The following WSCD1 variants were observed in gnomAD, a reference collection of about 807,000 sequenced individuals.
WSCD1 encodes the protein sialate:O-sulfotransferase 1.
In WSCD1, 41 loss-of-function variants were observed where a neutral mutation model predicts 60.4. That is an observed-to-expected ratio of 0.68 (90% CI 0.53 to 0.88). The LOEUF is 0.88. Among genes scored for constraint, WSCD1 ranks in the 40% least tolerant of loss-of-function variants. The probability of loss-of-function intolerance (pLI) is 0.00; values close to 1 mark genes in which losing one functional copy is unlikely to be tolerated. For synonymous variants in WSCD1, 361 were observed against 332.5 expected (o/e 1.09, Z -0.93); for missense variants, 784 against 796.2 (o/e 0.98, Z 0.18).
At chr17:6,105,753 G>A (rs578171346) in intron 5 of WSCD1, among the ~76,000 whole-genome samples, 71 of 152,336 alleles carry the variant, frequency 4.7e-4, no homozygotes, top group African/African-American at 1.7e-3. Flanking sequence ...CGTCAGTGGG[G>A]CTGTTACTGC....
At chr17:6,076,495 G>A (rs116862752) in intron 1 of WSCD1, among the ~76,000 whole-genome samples, 19 of 152,256 alleles carry the variant, frequency 1.2e-4, no homozygotes, top group African/African-American at 2.9e-4. Flanking sequence ...CTACAGGCCC[G>A]TCCTCCGGCT....
Position 6,081,220 on chromosome 17 carries a change from A to G in WSCD1, c.427+135A>G, listed in dbSNP as rs1046748399. Reference sequence around the variant, plus strand: ...GTTCTTTCCTTCTGCTCTGCAGGACAGGAAGGGGCCTGCGATGCGAAGTCC... The same window carrying G: ...GTTCTTTCCTTCTGCTCTGCAGGACGGGAAGGGGCCTGCGATGCGAAGTCC... On this transcript the variant is annotated intron_variant, in intron 2 of 8. Transcript: ENST00000317744. The G allele has an allele frequency of 1.1e-4, 121 of 1,122,574 alleles. No homozygotes were observed. In the East Asian group the frequency reaches 3.0e-3, roughly 28 times the overall value. The allele number at this position is 1,122,574 out of a possible 1,614,324, so 69.5% of individuals were successfully genotyped here. A position where few individuals can be genotyped will look rare whatever the true frequency, so the allele number is the denominator to read the frequency against.
At chr17:6,097,956 T>TC (rs948610473) in intron 5 of WSCD1, among the ~76,000 whole-genome samples, 5 of 151,190 alleles carry the variant, frequency 3.3e-5, no homozygotes, top group African/African-American at 7.3e-5. Flanking sequence ...TTCTTTCTTT[T>TC]TTTTTTTTTT....
intron 4 of WSCD1, among the ~76,000 whole-genome samples, chr17:6,093,317 C>T (rs374029948): frequency 6.6e-6 from 1 of 152,214 alleles, no homozygotes; most frequent in South Asian, 2.1e-4. Flanking sequence ...TTCATTCGTT[C>T]GCTCACCACG....
intron 7 of WSCD1, among the ~76,000 whole-genome samples, chr17:6,111,700 CAAAAAAA>C (rs111930086): frequency 1.2e-4 from 5 of 41,266 alleles, no homozygotes; most frequent in Non-Finnish European, 1.7e-4. Context: ...CACTCCGTCT[CAAAAAAA>C]AAAAAAAAAA....
chr17:6,123,880 G>A lies in WSCD1; in HGVS notation c.*3219G>A, dbSNP rs899799015. The A allele has an allele frequency of 2.0e-5, 3 of 152,316 alleles. No individual in the cohort carries two copies. Among genetic ancestry groups the A allele is most frequent in the South Asian group, 4.1e-4 (2 of 4,824 alleles). The allele number at this position is 152,316 out of a possible 1,614,324, so 9.4% of individuals were successfully genotyped here. A position where few individuals can be genotyped will look rare whatever the true frequency, so the allele number is the denominator to read the frequency against. ...GTCCCAGCTCTTATCTGCCATCTTG[G>A]ACAAAGCTTTTCCCATCTCCAGTCT... is the stretch of plus-strand genomic sequence containing the variant. On this transcript the variant is annotated 3_prime_UTR_variant, in exon 9 of 9. Coordinates refer to ENST00000317744, the MANE Select transcript of WSCD1 (RefSeq NM_015253.2).
At chr17:6,086,214 T>C (rs906995959) in intron 2 of WSCD1, among the ~76,000 whole-genome samples, 38 of 143,388 alleles carry the variant, frequency 2.7e-4, no homozygotes, top group African/African-American at 8.7e-4. Context: ...CCCTGGATAT[T>C]GCACCTTGGT....
chr17:6,074,621 T>G (rs979928381), intron 1 of WSCD1, among the ~76,000 whole-genome samples: 1 of 152,184 alleles, frequency 6.6e-6, no homozygotes, highest in African/African-American at 2.4e-5. Flanking sequence ...GTGGTTCTGC[T>G]CCAGAGATCA....
intron 7 of WSCD1, among the ~76,000 whole-genome samples, chr17:6,115,356 T>G (rs1361118350): frequency 1.3e-5 from 2 of 152,216 alleles, no homozygotes; most frequent in Admixed American, 6.5e-5. Context: ...CAAGAACTAG[T>G]TCATCAAAAT....
intron 2 of WSCD1, 141 bp downstream of exon 2, chr17:6,081,226 G>A (rs1567550270): frequency 9.1e-7 from 1 of 1,096,674 alleles, no homozygotes; most frequent in East Asian, 2.7e-5. Context: ...GGACAGGAAG[G>A]GGCCTGCGAT....
In WSCD1 at chr17:6,075,248, G is replaced by A. The variant is rs1908773333; in HGVS notation, c.-289+4596G>A. Among the ~76,000 whole-genome samples the A allele has an allele frequency of 1.3e-5, 2 of 152,194 alleles. No homozygotes were observed. Among genetic ancestry groups the A allele is most frequent in the African/African-American group, 2.4e-5 (1 of 41,446 alleles). On this transcript the variant is annotated intron_variant, in intron 1 of 8. Transcript: ENST00000317744. The surrounding 1 kb of genome is among the most constrained non-coding windows in gnomAD (Gnocchi z 4.1). ...TGAGATCCTTCTGGGGATGTCTGGT[G>A]TCATTTTCCCTTCAGCTGCCTCTGC...
In WSCD1 at chr17:6,122,784, C is replaced by T. The variant is rs1904797512; in HGVS notation, c.*2123C>T. On this transcript the variant is annotated 3_prime_UTR_variant, in exon 9 of 9. Transcript: ENST00000317744. ...AGGTACCCAGAGATGTCATCTCTCT[C>T]CAGGTAGAGCATCACCAGCTCCTGT... 1 of 152,312 alleles carries T rather than the reference C, an allele frequency of 6.6e-6. No individual in the cohort carries two copies. The highest frequency in any genetic ancestry group is 2.4e-5 in the African/African-American group (1 of 41,456). 9.4% of individuals were successfully genotyped at this position (152,312 alleles called of 1,614,324 possible).
At chr17:6,107,425 C>T (rs545765526) in intron 5 of WSCD1, among the ~76,000 whole-genome samples, 13 of 152,038 alleles carry the variant, frequency 8.6e-5, no homozygotes, top group South Asian at 6.2e-4. Flanking sequence ...CGCTTGAACC[C>T]GGGAGGCAGA....
chr17:6,090,249 A>G (rs1909935732), intron 3 of WSCD1, 72 bp from the exon 4 acceptor site: 2 of 1,411,910 alleles, frequency 1.4e-6, no homozygotes, highest in South Asian at 3.0e-5. Flanking sequence ...TCAAGCTGAA[A>G]CAGTCTGCAG....
intron 2 of WSCD1, among the ~76,000 whole-genome samples, chr17:6,086,432 T>C (rs1446213509): frequency 6.6e-6 from 1 of 151,496 alleles, no homozygotes; most frequent in East Asian, 1.9e-4. Context: ...ACCTCCTAGG[T>C]TCAAGTGATT....
At chr17:6,091,545 G>A (rs1046950792) in intron 4 of WSCD1, among the ~76,000 whole-genome samples, 3 of 152,206 alleles carry the variant, frequency 2.0e-5, no homozygotes, top group Admixed American at 6.5e-5. Context: ...GGAGGAATGG[G>A]AAACTCAGGT....
intron 1 of WSCD1, among the ~76,000 whole-genome samples, chr17:6,072,582 G>T (rs1908610559): frequency 6.6e-6 from 1 of 152,194 alleles, no homozygotes; most frequent in African/African-American, 2.4e-5. Context: ...AAGGACTTTG[G>T]GGCAGCTCAG....
In WSCD1 at chr17:6,080,832, C is replaced by T. The variant is rs781226651; in HGVS notation, c.174C>T (p.Ala58=). The T allele has an allele frequency of 1.6e-5, 25 of 1,608,020 alleles. No homozygotes were observed. The highest frequency in any genetic ancestry group is 3.3e-5 in the South Asian group (3 of 90,482). The change falls in exon 2 of 9, where the codon GCC becomes GCT. Residue 58 remains alanine, a synonymous_variant. Transcript: ENST00000317744. The surrounding 1 kb of genome is among the most constrained non-coding windows in gnomAD (Gnocchi z 6.6). ...APGPLQTLPV[A]AVALGVGLLD... ...GCCCCCTGCAGACCTTGCCAGTGGC[C>T]GCCGTGGCGCTGGGCGTGGGCTTGC...
chr17:6,110,961 G>A lies in WSCD1; in HGVS notation c.1174+26G>A. On this transcript the variant is annotated intron_variant, in intron 7 of 8. Transcript: ENST00000317744. The surrounding 1 kb of genome is among the most constrained non-coding windows in gnomAD (Gnocchi z 4.8). The stretch of plus-strand genomic sequence containing the variant: ...GTAAGTCAAAGCTACAGGGGACGAT[G>A]GAAGGCAGCTCCCGGTGACCAAACT... The A allele has an allele frequency of 4.5e-6, 7 of 1,570,336 alleles. No individual in the cohort carries two copies. Among genetic ancestry groups the A allele is most frequent in the Non-Finnish European group, 6.1e-6 (7 of 1,152,028 alleles).
Sources: gnomAD v4.1 joint callset for allele counts (sites outside exome capture counted in the v4.1 genomes callset) on GRCh38, gnomAD v4.1.1 for gene constraint, Gnocchi (gnomAD v3.1) non-coding constraint, MANE v1.5 for transcripts, NCBI Gene and HGNC (gene_info 2026-07-23, HGNC 2026-07-21) for gene names.